Variants in NRXN1 observed in about 807,000 individuals in gnomAD.
NRXN1 encodes the protein neurexin 1.
NRXN1 carries 39 observed loss-of-function variants against 150.9 expected under a neutral mutation model. That is an observed-to-expected ratio of 0.26 (90% CI 0.20 to 0.34). The LOEUF (loss-of-function observed/expected upper bound fraction) is 0.34. Ranked by LOEUF, NRXN1 falls within the 10% of genes least tolerant of loss-of-function variation. The pLI, the probability that NRXN1 is intolerant of heterozygous loss-of-function variation, is 1.00. For synonymous variants in NRXN1, 924 were observed against 757.0 expected, an observed-to-expected ratio of 1.22 and a Z score of -3.62; for missense variants, 1,815 against 1,949.9, an observed-to-expected ratio of 0.93 and a Z score of 1.30.
intron 17 of NRXN1, among the ~76,000 whole-genome samples, chr2:50,362,893 A>G (rs1042571891): frequency 6.6e-6 from 1 of 152,188 alleles, no homozygotes; most frequent in African/African-American, 2.4e-5. Flanking sequence ...CAAAACAGAT[A>G]TATAGACCAA....
chr2:50,610,061 G>T (rs1677775198), intron 8 of NRXN1, among the ~76,000 whole-genome samples: 1 of 152,056 alleles, frequency 6.6e-6, no homozygotes, highest in African/African-American at 2.4e-5. Flanking sequence ...GGGAAAAAAA[G>T]ACACCAATTA....
intron 2 of NRXN1, among the ~76,000 whole-genome samples, chr2:51,019,140 G>A (rs915576950): frequency 2.0e-5 from 3 of 151,992 alleles, no homozygotes; most frequent in Non-Finnish European, 2.9e-5. Flanking sequence ...TTTGATAAGC[G>A]AAATATACAA....
In NRXN1 at chr2:50,191,055, G is replaced by A. The variant is rs1292193335; in HGVS notation, c.3546+45734C>T. Among the ~76,000 whole-genome samples the A allele has an allele frequency of 2.6e-5, 4 of 151,226 alleles. No individual in the cohort carries two copies. The East Asian group carries it at 8.0e-4, about 30-fold the overall frequency. On this transcript the variant is annotated intron_variant, in intron 18 of 22. Coordinates refer to ENST00000401669, the MANE Select transcript of NRXN1 (RefSeq NM_001330078.2). ...ACTCAGTTTCTTTCTTTGAGACGGA[G>A]TCTCACTCTGTGGCCCAGGCTGGAG...
chr2:50,703,359 T>C (rs1187354573), intron 5 of NRXN1, among the ~76,000 whole-genome samples: 1 of 152,126 alleles, frequency 6.6e-6, no homozygotes, highest in East Asian at 1.9e-4. Context: ...AAATGCAGAC[T>C]GACCTCTGCA....
intron 5 of NRXN1, among the ~76,000 whole-genome samples, chr2:50,680,470 T>C (rs957840368): frequency 6.6e-6 from 1 of 152,022 alleles, no homozygotes; most frequent in Admixed American, 6.6e-5. Context: ...ACTATAGATA[T>C]AGGTAAAATA....
At chr2:51,011,443 C>T (rs547144742) in intron 2 of NRXN1, among the ~76,000 whole-genome samples, 1 of 152,024 alleles carries the variant, frequency 6.6e-6, no homozygotes, top group East Asian at 2.0e-4. Context: ...CTACACAAAG[C>T]CAGCATTGTC....
chr2:50,635,892 T>G (rs1683171663), intron 5 of NRXN1, among the ~76,000 whole-genome samples: 1 of 152,204 alleles, frequency 6.6e-6, no homozygotes, highest in African/African-American at 2.4e-5. Flanking sequence ...CTTAAATTCT[T>G]TTCTTTCAGA....
At chr2:50,578,041 T>G (rs1671701873) in intron 8 of NRXN1, among the ~76,000 whole-genome samples, 1 of 152,146 alleles carries the variant, frequency 6.6e-6, no homozygotes, top group Non-Finnish European at 1.5e-5. Flanking sequence ...AGTATTTTCC[T>G]ACTATAATGT....
intron 5 of NRXN1, among the ~76,000 whole-genome samples, chr2:50,749,144 A>T (rs1402717017): frequency 6.6e-6 from 1 of 152,120 alleles, no homozygotes; most frequent in Non-Finnish European, 1.5e-5. Context: ...TTGTTTTTGT[A>T]ATTTTAAACA....
chr2:50,033,787 A>G (rs967602018), intron 21 of NRXN1, among the ~76,000 whole-genome samples: 1 of 151,966 alleles, frequency 6.6e-6, no homozygotes, highest in African/African-American at 2.4e-5. Flanking sequence ...ACACACACAC[A>G]CACAAACCCA....
At chr2:50,985,208 T>C (rs1432120205) in intron 2 of NRXN1, among the ~76,000 whole-genome samples, 1 of 151,884 alleles carries the variant, frequency 6.6e-6, no homozygotes, top group Non-Finnish European at 1.5e-5. Context: ...AGTATAATAG[T>C]AAATATCACC....
At chr2:50,849,256 C>T (rs530151360) in intron 5 of NRXN1, among the ~76,000 whole-genome samples, 23 of 152,326 alleles carry the variant, frequency 1.5e-4, no homozygotes, top group Middle Eastern at 3.4e-3. Context: ...ACCACAGGCC[C>T]TTGATCTCCC....
At chr2:50,185,766 T>C (rs1021615593) in intron 18 of NRXN1, 2 of 152,104 alleles carry the variant, frequency 1.3e-5, no homozygotes, top group African/African-American at 4.8e-5. Flanking sequence ...ACATTTATAA[T>C]AACTCACTGA....
At chr2:51,013,135 CAA>C (rs1406679569) in intron 2 of NRXN1, among the ~76,000 whole-genome samples, 1 of 152,008 alleles carries the variant, frequency 6.6e-6, no homozygotes, top group Non-Finnish European at 1.5e-5. Context: ...GCAAAGCAAA[CAA>C]GAGGAAGTGC....
At chr2:50,022,433 G>A (rs967774557) in intron 21 of NRXN1, among the ~76,000 whole-genome samples, 8 of 152,144 alleles carry the variant, frequency 5.3e-5, no homozygotes, top group African/African-American at 9.7e-5. Context: ...TACATAGAAT[G>A]ACAGATCTTC....
intron 2 of NRXN1, among the ~76,000 whole-genome samples, chr2:50,945,903 C>T (rs146157700): frequency 0.24 from 33,782 of 139,704 alleles, 4,044 homozygotes; most frequent in Non-Finnish European, 0.28. Context: ...TATATATACA[C>T]ACACACACAC....
intron 17 of NRXN1, among the ~76,000 whole-genome samples, chr2:50,297,519 T>C (rs1462728457): frequency 6.6e-6 from 1 of 152,180 alleles, no homozygotes; most frequent in African/African-American, 2.4e-5. Flanking sequence ...AAAGCTTTAC[T>C]ACTTTGTCAT....
chr2:50,035,893 C>T (rs578082259), intron 21 of NRXN1, among the ~76,000 whole-genome samples: 6 of 152,124 alleles, frequency 3.9e-5, no homozygotes, highest in East Asian at 3.9e-4. Context: ...TACAGTTCAC[C>T]GATGAATACT....
intron 8 of NRXN1, among the ~76,000 whole-genome samples, chr2:50,595,535 T>C (rs1675040564): frequency 6.6e-6 from 1 of 152,150 alleles, no homozygotes; most frequent in Non-Finnish European, 1.5e-5. Context: ...GAGTAACATT[T>C]ATAGCATTGC....
Sources: gnomAD v4.1 joint callset for allele counts (sites outside exome capture counted in the v4.1 genomes callset) on GRCh38, gnomAD v4.1.1 for gene constraint, MANE v1.5 for transcripts, NCBI Gene and HGNC (gene_info 2026-07-23, HGNC 2026-07-21) for gene names.